Variants in EYA3 observed in about 807,000 individuals in gnomAD.
EYA3 encodes protein phosphatase EYA3.
Under a neutral mutation model 80.0 loss-of-function variants are expected in EYA3, and 39 were observed. The observed-to-expected ratio is 0.49, with a 90% CI of 0.38 to 0.64. The LOEUF (loss-of-function observed/expected upper bound fraction) is 0.64. Among genes scored for constraint, EYA3 ranks in the 30% least tolerant of loss-of-function variants. The pLI is 0.00. For missense variants in EYA3, 523 were observed against 676.1 expected (o/e 0.77, Z 2.51); for synonymous variants, 206 against 232.8 (o/e 0.88, Z 1.05).
chr1:27,998,196 G>T (rs1175430027), intron 12 of EYA3: 3 of 459,904 alleles, frequency 6.5e-6, no homozygotes, highest in African/African-American at 4.2e-5. Flanking sequence ...ACTTGAATCA[G>T]AATTTCTGAG....
intron 6 of EYA3, among the ~76,000 whole-genome samples, chr1:28,029,593 CT>C (rs1226877063): frequency 0.035 from 4,778 of 135,908 alleles, 87 homozygotes; most frequent in African/African-American, 0.066. Flanking sequence ...AAAGAAAATC[CT>C]TTTTTTTTTT....
At chr1:28,079,827 G>A (rs368646743) in intron 1 of EYA3, among the ~76,000 whole-genome samples, 1 of 149,380 alleles carries the variant, frequency 6.7e-6, no homozygotes, top group African/African-American at 2.5e-5. Flanking sequence ...ACAGGGTCTC[G>A]CTATGTTGCC....
At chr1:27,989,080 A>C (rs2148723861) in intron 15 of EYA3, among the ~76,000 whole-genome samples, 1 of 152,336 alleles carries the variant, frequency 6.6e-6, no homozygotes, top group South Asian at 2.1e-4. Flanking sequence ...CTCTTCACAC[A>C]ATAGCAACAT....
intron 14 of EYA3, chr1:27,990,590 G>C (rs1639985755): frequency 7.1e-6 from 1 of 140,920 alleles, no homozygotes; most frequent in Non-Finnish European, 1.5e-5. Flanking sequence ...GTCTTGCTCT[G>C]TCGCCCAGGC....
At chr1:28,025,079 C>A (rs1642692112) in intron 7 of EYA3, among the ~76,000 whole-genome samples, 1 of 152,230 alleles carries the variant, frequency 6.6e-6, no homozygotes, top group Middle Eastern at 3.4e-3. Context: ...AGCTAACATT[C>A]ACTATCCATG....
At chr1:27,997,153 T>A (rs949838865) in intron 13 of EYA3, among the ~76,000 whole-genome samples, 167 bp downstream of exon 13, 1 of 152,248 alleles carries the variant, frequency 6.6e-6, no homozygotes, top group African/African-American at 2.4e-5. Context: ...ATTGTCACCT[T>A]CTCACACTAT....
chr1:28,034,870 A>T (rs1038290724), intron 6 of EYA3, among the ~76,000 whole-genome samples: 6 of 152,172 alleles, frequency 3.9e-5, no homozygotes, highest in Non-Finnish European at 8.8e-5. Flanking sequence ...TCAGGAAAGC[A>T]GGGAAGGAGC....
chr1:28,013,792 G>A lies in EYA3; in HGVS notation c.586-498C>T, dbSNP rs1399792460. On this transcript the variant is annotated intron_variant, in intron 8 of 17. Coordinates refer to ENST00000373871, the MANE Select transcript of EYA3 (RefSeq NM_001990.4). This position sits in a 1 kb window ranked among gnomAD's most constrained non-coding sequence, Gnocchi z 4.0. ...AAAAACTGATTATCAGCTGGGTGCA[G>A]TGGCTCATGCCTGTAATCTCAGCAC... Among the ~76,000 whole-genome samples, 4 of 152,266 alleles carry A rather than the reference G, an allele frequency of 2.6e-5. No individual in the cohort carries two copies. Among genetic ancestry groups the A allele is most frequent in the African/African-American group, 7.2e-5 (3 of 41,466 alleles).
chr1:27,991,299 A>G (rs1011162061), intron 14 of EYA3, among the ~76,000 whole-genome samples: 3 of 152,178 alleles, frequency 2.0e-5, no homozygotes, highest in African/African-American at 7.2e-5. Flanking sequence ...TTCCATGGTG[A>G]CTACTTGTCC....
intron 16 of EYA3, among the ~76,000 whole-genome samples, chr1:27,986,998 G>C (rs765983081): frequency 6.6e-6 from 1 of 152,098 alleles, no homozygotes; most frequent in Non-Finnish European, 1.5e-5. Context: ...CACTGTACCC[G>C]GCCTCTTAAC....
chr1:28,038,699 A>G, intron 5 of EYA3, 140 bp downstream of exon 5: 3 of 496,880 alleles, frequency 6.0e-6, no homozygotes, highest in Non-Finnish European at 1.1e-5. Context: ...TTTAGAGGGA[A>G]TTAAAAATTG....
intron 2 of EYA3, 64 bp from the exon 3 acceptor site, chr1:28,048,490 TCAAA>T: frequency 1.6e-6 from 2 of 1,262,736 alleles, no homozygotes; most frequent in Admixed American, 1.9e-5. Context: ...ATTTAGCTAC[TCAAA>T]CAACAGGCTA....
chr1:27,997,286 T>C, intron 13 of EYA3, 34 bp downstream of exon 13: 1 of 1,582,278 alleles, frequency 6.3e-7, no homozygotes, highest in Non-Finnish European at 8.7e-7. Flanking sequence ...ACATAACAGG[T>C]GTACTGGTGT....
chr1:28,049,315 G>C (rs749546374), intron 2 of EYA3, among the ~76,000 whole-genome samples: 10 of 152,064 alleles, frequency 6.6e-5, no homozygotes, highest in Non-Finnish European at 1.3e-4. Flanking sequence ...GACATTCTTG[G>C]TTCCTTGCTT....
In EYA3 at chr1:28,042,604, T is replaced by A. The variant is rs764625502; in HGVS notation, c.124A>T (p.Ser42Cys). The A allele has an allele frequency of 1.2e-6, 2 of 1,614,232 alleles. No homozygotes were observed. Among genetic ancestry groups the A allele is most frequent in the Non-Finnish European group, 1.7e-6 (2 of 1,180,024 alleles). The change falls in exon 4 of 18, where the codon AGC becomes TGC. Residue 42 changes from serine to cysteine, a missense_variant. Physicochemically the swap from Ser to Cys is moderately radical, Grantham distance 112. Coordinates refer to ENST00000373871, the MANE Select transcript of EYA3 (RefSeq NM_001990.4). ...GACATGGGAAGGTTTGAAGCAAGGC[T>A]TGATGTTTCAGGCTTCTGATCACTG... ...DVSDQKPETS[S>C]LASNLPMSEE...
chr1:28,079,308 C>A (rs1460798194), intron 1 of EYA3, among the ~76,000 whole-genome samples: 2 of 152,212 alleles, frequency 1.3e-5, no homozygotes, highest in African/African-American at 4.8e-5. Flanking sequence ...TGGGACAATA[C>A]ATAAATGTAA....
At chr1:28,031,129 C>T (rs1643116381) in intron 6 of EYA3, among the ~76,000 whole-genome samples, 1 of 152,112 alleles carries the variant, frequency 6.6e-6, no homozygotes, top group Non-Finnish European at 1.5e-5. Context: ...TAGGAGATAG[C>T]TAGCTAGTTT....
At chr1:28,021,609 CTTTT>C (rs113081277) in intron 7 of EYA3, among the ~76,000 whole-genome samples, 3,722 of 144,640 alleles carry the variant, frequency 0.026, 90 homozygotes, top group African/African-American at 0.064. Flanking sequence ...AATCATTCTT[CTTTT>C]TTTTTTTTTA....
intron 3 of EYA3, among the ~76,000 whole-genome samples, chr1:28,048,038 G>A (rs1479006335): frequency 3.9e-5 from 6 of 152,036 alleles, no homozygotes; most frequent in South Asian, 2.1e-4. Flanking sequence ...TATTTATTTC[G>A]CTTATGCTTC....
Sources: gnomAD v4.1 joint callset for allele counts (sites outside exome capture counted in the v4.1 genomes callset) on GRCh38, gnomAD v4.1.1 for gene constraint, Gnocchi (gnomAD v3.1) non-coding constraint, MANE v1.5 for transcripts, NCBI Gene and HGNC (gene_info 2026-07-23, HGNC 2026-07-21) for gene names.